CDK8: variants seen among roughly 807,000 people sequenced by gnomAD.
CDK8 encodes cyclin-dependent kinase 8.
CDK8 carries 29 observed loss-of-function variants against 71.5 expected under a neutral mutation model. The observed-to-expected ratio is 0.41, with a 90% CI of 0.30 to 0.55. CDK8 has a LOEUF of 0.55. Ranked by LOEUF, CDK8 falls within the 20% of genes least tolerant of loss-of-function variation. The pLI, the probability that CDK8 is intolerant of heterozygous loss-of-function variation, is 0.37. For synonymous variants in CDK8, 161 were observed against 192.1 expected, an observed-to-expected ratio of 0.84 and a Z score of 1.34; for missense variants, 288 against 572.6, an observed-to-expected ratio of 0.50 and a Z score of 5.07.
At chr13:26,385,188 ATT>A in intron 5 of CDK8, 21 bp from the exon 6 acceptor site, 6 of 1,443,072 alleles carry the variant, frequency 4.2e-6, no homozygotes, top group Admixed American at 2.0e-5. Context: ...ACTTAGCATG[ATT>A]TTTTTTTTAT....
At chr13:26,282,766 T>A (rs948492526) in intron 1 of CDK8, among the ~76,000 whole-genome samples, 2 of 152,130 alleles carry the variant, frequency 1.3e-5, no homozygotes, top group African/African-American at 4.8e-5. Flanking sequence ...AAAATACATA[T>A]AATGGCAGAA....
At chr13:26,263,031 G>A (rs1363369606) in intron 1 of CDK8, among the ~76,000 whole-genome samples, 1 of 152,180 alleles carries the variant, frequency 6.6e-6, no homozygotes, top group African/African-American at 2.4e-5. Flanking sequence ...AGGTTGTTTA[G>A]AGGACTAAAG....
At chr13:26,356,477 G>A (rs1225201799) in intron 4 of CDK8, among the ~76,000 whole-genome samples, 5 of 152,182 alleles carry the variant, frequency 3.3e-5, no homozygotes, top group African/African-American at 4.8e-5. Flanking sequence ...TGTGTCTCAC[G>A]CACGCAGAAG....
chr13:26,285,482 G>A (rs1043969032), intron 1 of CDK8, among the ~76,000 whole-genome samples: 3 of 152,132 alleles, frequency 2.0e-5, no homozygotes, highest in African/African-American at 7.2e-5. Flanking sequence ...AGTATAGAAG[G>A]GAGATACCTC....
At chr13:26,387,218 T>C (rs367911768) in intron 6 of CDK8, among the ~76,000 whole-genome samples, 17 of 152,236 alleles carry the variant, frequency 1.1e-4, no homozygotes, top group African/African-American at 4.1e-4. Flanking sequence ...CTGATTTGTT[T>C]GTATTTTGCA....
chr13:26,334,803 A>G (rs956802319), intron 1 of CDK8, among the ~76,000 whole-genome samples: 12 of 152,204 alleles, frequency 7.9e-5, no homozygotes, highest in Non-Finnish European at 1.6e-4. Flanking sequence ...CTCCAGTGCT[A>G]TCACGTCTGC....
intron 1 of CDK8, among the ~76,000 whole-genome samples, chr13:26,290,197 A>G (rs1408592202): frequency 1.3e-5 from 2 of 152,234 alleles, no homozygotes; most frequent in African/African-American, 4.8e-5. Flanking sequence ...AATATAGAGT[A>G]TAACTGTATT....
At chr13:26,353,271 C>A (rs532562587) in intron 3 of CDK8, among the ~76,000 whole-genome samples, 1 of 152,066 alleles carries the variant, frequency 6.6e-6, no homozygotes, top group Non-Finnish European at 1.5e-5. Context: ...ACTGGTATAT[C>A]ATTTCTTTGT....
In CDK8 at chr13:26,281,171, C is replaced by A. The variant is rs373909665; in HGVS notation, c.128+26402C>A. 2.0e-3 allele frequency among the ~76,000 whole-genome samples: 309 copies of A among 152,360 alleles called. 2 individuals carry two copies. Among genetic ancestry groups the A allele is most frequent in the African/African-American group, 7.1e-3 (296 of 41,590 alleles). On this transcript the variant is annotated intron_variant, in intron 1 of 12. Transcript: ENST00000381527. ...CATGTGACAACACTGCTAGCATAAC[C>A]AGCATCTGAGAAAGCCAGCACACTA...
chr13:26,328,455 C>T (rs929886279), intron 1 of CDK8, among the ~76,000 whole-genome samples: 4 of 152,138 alleles, frequency 2.6e-5, no homozygotes, highest in Non-Finnish European at 4.4e-5. Flanking sequence ...ATTTAATTCT[C>T]CAGAACAGGC....
At chr13:26,312,720 GCAC>G (rs1340538984) in intron 1 of CDK8, among the ~76,000 whole-genome samples, 2 of 152,148 alleles carry the variant, frequency 1.3e-5, no homozygotes, top group East Asian at 3.8e-4. Flanking sequence ...CCAATTCCGG[GCAC>G]AGAGGGGTGT....
chr13:26,303,921 A>T (rs1382256940), intron 1 of CDK8, among the ~76,000 whole-genome samples: 2 of 151,952 alleles, frequency 1.3e-5, no homozygotes, highest in African/African-American at 2.4e-5. Flanking sequence ...TGTTGGTTTG[A>T]TGTTTGCCAT....
intron 1 of CDK8, among the ~76,000 whole-genome samples, chr13:26,275,429 G>A (rs1316040242): frequency 2.0e-5 from 3 of 152,136 alleles, no homozygotes; most frequent in Non-Finnish European, 4.4e-5. Flanking sequence ...ATAAAGCCTT[G>A]TAGTGTTTTT....
At chr13:26,358,322 G>A (rs1187184297) in intron 4 of CDK8, among the ~76,000 whole-genome samples, 2 of 151,750 alleles carry the variant, frequency 1.3e-5, no homozygotes, top group Non-Finnish European at 2.9e-5. Context: ...AAATAAAAAA[G>A]TCATCCTATA....
intron 1 of CDK8, among the ~76,000 whole-genome samples, chr13:26,276,414 C>CAGTT (rs1265204178): frequency 1.3e-5 from 2 of 152,148 alleles, no homozygotes; most frequent in African/African-American, 4.8e-5. Flanking sequence ...TGAGCTTGAG[C>CAGTT]AGTTCATTCA....
At chr13:26,349,539 A>T (rs1254563827) in intron 3 of CDK8, among the ~76,000 whole-genome samples, 2 of 152,228 alleles carry the variant, frequency 1.3e-5, no homozygotes, top group Non-Finnish European at 2.9e-5. Context: ...CGTTGTATAA[A>T]GGGAACATAA....
chr13:26,404,053 A>C lies in CDK8; in HGVS notation c.1367A>C (p.Gln456Pro). ...GYSATSQQPP[Q>P]YSHQTHRY ...TCAGCTACCTCCCAGCAGCCTCCAC[A>C]GTACTCACATCAGACACATCGGTAC... Residue 456 changes from glutamine (Q) to proline (P), a missense_variant, in exon 13 of 13, where the codon CAG becomes CCG. Transcript: ENST00000381527. The C allele has an allele frequency of 6.2e-7, 1 of 1,614,070 alleles. No homozygotes were observed. The highest frequency in any genetic ancestry group is 8.5e-7 in the Non-Finnish European group (1 of 1,179,992).
At chr13:26,363,946 CAA>C (rs1216792795) in intron 4 of CDK8, among the ~76,000 whole-genome samples, 1 of 152,014 alleles carries the variant, frequency 6.6e-6, no homozygotes, top group East Asian at 1.9e-4. Flanking sequence ...ATTTGAGTGA[CAA>C]AGTGAAAAAA....
At chr13:26,371,680 A>C (rs1874694680) in intron 4 of CDK8, among the ~76,000 whole-genome samples, 1 of 152,014 alleles carries the variant, frequency 6.6e-6, no homozygotes, top group Non-Finnish European at 1.5e-5. Flanking sequence ...CAATGGCGTG[A>C]TCTTGGCTCA....
Sources: allele counts gnomAD v4.1 joint callset (sites outside exome capture counted in the v4.1 genomes callset), GRCh38; gene constraint gnomAD v4.1.1; transcripts MANE v1.5; gene names NCBI Gene and HGNC (gene_info 2026-07-23, HGNC 2026-07-21).